SIPA1L2: variants seen among roughly 807,000 people sequenced by gnomAD.
SIPA1L2 encodes the protein signal-induced proliferation-associated 1-like protein 2.
Under a neutral mutation model 163.9 loss-of-function variants are expected in SIPA1L2, and 56 were observed. That is an observed-to-expected ratio of 0.34 (90% CI 0.28 to 0.43). SIPA1L2 has a LOEUF of 0.43. Ranked by LOEUF, SIPA1L2 falls within the 20% of genes least tolerant of loss-of-function variation. The probability of loss-of-function intolerance (pLI) is 1.00; values close to 1 mark genes in which losing one functional copy is unlikely to be tolerated. For missense variants in SIPA1L2, 1,974 were observed against 2,193.5 expected, an observed-to-expected ratio of 0.90 and a Z score of 2.00; for synonymous variants, 877 against 865.7, an observed-to-expected ratio of 1.01 and a Z score of -0.23.
intron 2 of SIPA1L2, among the ~76,000 whole-genome samples, chr1:232,554,131 T>A (rs1658564173): frequency 6.6e-6 from 1 of 152,240 alleles, no homozygotes; most frequent in Non-Finnish European, 1.5e-5. Context: ...CTATTAAGAA[T>A]CAAAATGGAT....
intron 2 of SIPA1L2, among the ~76,000 whole-genome samples, chr1:232,564,763 A>G (rs1448582891): frequency 6.6e-6 from 1 of 152,202 alleles, no homozygotes; most frequent in East Asian, 1.9e-4. Flanking sequence ...AGAAGTATTA[A>G]TAAATTAATA....
chr1:232,452,268 T>C (rs1002249032), intron 10 of SIPA1L2, among the ~76,000 whole-genome samples: 3 of 152,064 alleles, frequency 2.0e-5, no homozygotes, highest in Non-Finnish European at 4.4e-5. Context: ...GACTTCTTGG[T>C]TACAGCTGCC....
chr1:232,592,996 C>G (rs191619939), intron 1 of SIPA1L2, among the ~76,000 whole-genome samples: 4 of 152,002 alleles, frequency 2.6e-5, no homozygotes, highest in Admixed American at 6.5e-5. Flanking sequence ...GTGCTGGACA[C>G]ATTCAGGTAG....
intron 2 of SIPA1L2, among the ~76,000 whole-genome samples, chr1:232,533,049 G>A (rs573386947): frequency 1.1e-4 from 17 of 152,288 alleles, no homozygotes; most frequent in African/African-American, 4.1e-4. Flanking sequence ...GAGGGCATGG[G>A]TCAGAGGTTC....
intron 18 of SIPA1L2, among the ~76,000 whole-genome samples, chr1:232,421,894 C>T (rs1457510185): frequency 6.6e-6 from 1 of 152,196 alleles, no homozygotes; most frequent in Non-Finnish European, 1.5e-5. Context: ...TAAGAATTCT[C>T]ATCAGTCCAT....
Position 232,443,603 on chromosome 1 carries a change from C to G in SIPA1L2, c.3436G>C (p.Gly1146Arg). Residue 1146 changes from glycine (G) to arginine (R), a missense_variant and splice_region_variant, in exon 12 of 23, where the codon GGG becomes CGG. Around this residue, in one of 3 missense-constraint regions of SIPA1L2, gnomAD observed 1,079 missense variants for 1,150.7 expected, o/e 0.94. Transcript: ENST00000674635. ...AACTAAGATAAAAATGAACAGTACC[C>G]GTCGTAGCCCACTTGTGGTCTCCAG... ...GPWRPQVGYDGCQSPLLLEHQ... is the reference protein window; with the variant it reads ...GPWRPQVGYDRCQSPLLLEHQ... 6.3e-7 allele frequency: 1 copy of G among 1,594,682 alleles called. No individual in the cohort carries two copies.
chr1:232,591,513 G>T (rs769409509), intron 1 of SIPA1L2, among the ~76,000 whole-genome samples: 1 of 152,266 alleles, frequency 6.6e-6, no homozygotes, highest in African/African-American at 2.4e-5. Context: ...CCTCTGGCTG[G>T]TCTCCAGGGA....
At chr1:232,439,897 A>C (rs1662789394) in intron 14 of SIPA1L2, among the ~76,000 whole-genome samples, 1 of 152,198 alleles carries the variant, frequency 6.6e-6, no homozygotes, top group Non-Finnish European at 1.5e-5. Flanking sequence ...GCCAGCCTTG[A>C]GTTCAGGGCA....
intron 3 of SIPA1L2, among the ~76,000 whole-genome samples, chr1:232,503,720 T>C (rs1666590618): frequency 6.6e-6 from 1 of 152,284 alleles, no homozygotes; most frequent in South Asian, 2.1e-4. Context: ...GTTGATCATT[T>C]AATTGCCTAC....
intron 10 of SIPA1L2, among the ~76,000 whole-genome samples, chr1:232,448,217 T>C (rs1172393018): frequency 6.6e-6 from 1 of 152,218 alleles, no homozygotes; most frequent in Non-Finnish European, 1.5e-5. Flanking sequence ...GGCGTACTCT[T>C]AACTTGACCA....
chr1:232,579,232 G>C (rs771614342), intron 1 of SIPA1L2, among the ~76,000 whole-genome samples: 1 of 152,160 alleles, frequency 6.6e-6, no homozygotes, highest in Non-Finnish European at 1.5e-5. Flanking sequence ...ATTCCATCAA[G>C]CTCCGTTTCT....
intron 15 of SIPA1L2, among the ~76,000 whole-genome samples, chr1:232,437,084 G>T (rs536243930): frequency 6.6e-6 from 1 of 152,120 alleles, no homozygotes; most frequent in African/African-American, 2.4e-5. Flanking sequence ...TTTGCCAATG[G>T]TTAAGGTAGT....
At chr1:232,425,864 G>C in intron 17 of SIPA1L2, 56 bp from the exon 18 acceptor site, 1 of 1,471,016 alleles carries the variant, frequency 6.8e-7, no homozygotes, top group Non-Finnish European at 9.4e-7. Flanking sequence ...CGAATGCACG[G>C]GGCTTGTTGG....
At chr1:232,568,574 AGAG>A (rs1397228769) in intron 2 of SIPA1L2, among the ~76,000 whole-genome samples, 1 of 152,190 alleles carries the variant, frequency 6.6e-6, no homozygotes. Flanking sequence ...AGCCTTGGGA[AGAG>A]GAGGCTAAGG....
chr1:232,482,239 G>A (rs1032061028), intron 6 of SIPA1L2, among the ~76,000 whole-genome samples: 4 of 152,036 alleles, frequency 2.6e-5, no homozygotes, highest in Non-Finnish European at 4.4e-5. Flanking sequence ...GAAAATACTT[G>A]GATTATCTAC....
At chr1:232,427,673 T>C (rs1661981596) in intron 17 of SIPA1L2, among the ~76,000 whole-genome samples, 1 of 152,172 alleles carries the variant, frequency 6.6e-6, no homozygotes, top group South Asian at 2.1e-4. Context: ...GCTTAAGAGA[T>C]TGCAATAATA....
intron 18 of SIPA1L2, among the ~76,000 whole-genome samples, chr1:232,420,510 T>C (rs1661510163): frequency 6.6e-6 from 1 of 152,000 alleles, no homozygotes; most frequent in Non-Finnish European, 1.5e-5. Flanking sequence ...CTCCCAAGCC[T>C]CAGGAGCCCG....
chr1:232,502,200 T>A (rs929084485), intron 3 of SIPA1L2, among the ~76,000 whole-genome samples: 8 of 152,194 alleles, frequency 5.3e-5, no homozygotes, highest in Non-Finnish European at 2.9e-5. Flanking sequence ...CGGCTCCTAA[T>A]GTATCTAATC....
intron 19 of SIPA1L2, among the ~76,000 whole-genome samples, chr1:232,415,025 T>G (rs1434624943): frequency 6.6e-6 from 1 of 152,178 alleles, no homozygotes; most frequent in Non-Finnish European, 1.5e-5. Context: ...CAAAGACACT[T>G]GCATGGGTCA....
Sources: allele counts gnomAD v4.1 joint callset (sites outside exome capture counted in the v4.1 genomes callset), GRCh38; gene constraint gnomAD v4.1.1; regional missense constraint gnomAD v4.1.1; transcripts MANE v1.5; gene names NCBI Gene and HGNC (gene_info 2026-07-23, HGNC 2026-07-21).